WDFY3: variants seen among roughly 807,000 people sequenced by gnomAD.
WDFY3 encodes the protein WD repeat and FYVE domain containing 3.
Under a neutral mutation model 409.6 loss-of-function variants are expected in WDFY3, and 66 were observed. The ratio of observed to expected loss-of-function variants is 0.16; its 90% CI spans 0.13 to 0.20. The LOEUF (loss-of-function observed/expected upper bound fraction) is 0.20, where lower values mean the gene tolerates loss of function less well. Among genes scored for constraint, WDFY3 ranks in the 10% least tolerant of loss-of-function variants. The pLI is 1.00. For synonymous variants in WDFY3, 1,521 were observed against 1,537.1 expected (o/e 0.99, Z 0.25); for missense variants, 3,031 against 4,298.1 (o/e 0.71, Z 8.24).
intron 5 of WDFY3, among the ~76,000 whole-genome samples, chr4:84,845,190 G>C (rs1356702727): frequency 6.6e-6 from 1 of 152,126 alleles, no homozygotes; most frequent in Non-Finnish European, 1.5e-5. Context: ...ATTCAGAGGG[G>C]TACTGGAAGA....
At position 84,715,393 on chromosome 4, in the gene WDFY3, TC is replaced by T; in HGVS notation, c.7876-11del. On this transcript the variant is annotated splice_polypyrimidine_tract_variant and intron_variant, in intron 49 of 67. Coordinates refer to ENST00000295888, the MANE Select transcript of WDFY3 (RefSeq NM_014991.6). ...CTTCCACAGCAATAGGCTGAAATGATCAGAGAGAAAAACATTAAGAAAAAAC... is the reference window on the plus strand; with the variant it reads ...CTTCCACAGCAATAGGCTGAAATGATAGAGAGAAAAACATTAAGAAAAAAC... The T allele has an allele frequency of 1.4e-6, 2 of 1,477,720 alleles. No individual in the cohort carries two copies. The highest frequency in any genetic ancestry group is 1.9e-6 in the Non-Finnish European group (2 of 1,063,684). 91.5% of individuals were successfully genotyped at this position (1,477,720 alleles called of 1,614,324 possible). A position where few individuals can be genotyped will look rare whatever the true frequency, so the allele number is the denominator to read the frequency against.
At chr4:84,697,053 A>G (rs889812715) in intron 56 of WDFY3, among the ~76,000 whole-genome samples, 1 of 152,192 alleles carries the variant, frequency 6.6e-6, no homozygotes, top group African/African-American at 2.4e-5. Context: ...CTCACTGCCA[A>G]TGTCTTCAGG....
At chr4:84,801,071 A>C (rs1750460917) in intron 17 of WDFY3, among the ~76,000 whole-genome samples, 1 of 152,176 alleles carries the variant, frequency 6.6e-6, no homozygotes, top group South Asian at 2.1e-4. Context: ...AGTGGGTATG[A>C]CAATAAAGGT....
At chr4:84,775,351 TA>T (rs1055725250) in intron 27 of WDFY3, among the ~76,000 whole-genome samples, 4 of 152,068 alleles carry the variant, frequency 2.6e-5, no homozygotes, top group African/African-American at 9.7e-5. Context: ...TTTACAAAGC[TA>T]GTTCAAATAC....
chr4:84,884,233 G>C (rs1385405625), intron 3 of WDFY3, among the ~76,000 whole-genome samples: 1 of 151,942 alleles, frequency 6.6e-6, no homozygotes. Context: ...AGCTATACCA[G>C]TGTTGATTAC....
intron 1 of WDFY3, among the ~76,000 whole-genome samples, chr4:84,945,786 G>A (rs182595945): frequency 1.8e-4 from 27 of 152,190 alleles, no homozygotes; most frequent in African/African-American, 6.3e-4. Flanking sequence ...TCTGCTTCTT[G>A]TCTCAAGAAC....
chr4:84,733,539 C>T lies in WDFY3; in HGVS notation c.7064G>A (p.Arg2355Gln), dbSNP rs145107390. Residue 2355 changes from arginine to glutamine, a missense_variant, in exon 44 of 68, where the codon CGG becomes CAG. Coordinates refer to ENST00000295888, the MANE Select transcript of WDFY3 (RefSeq NM_014991.6). ...CQIECELLRE[R>Q]GLWGPPIGSH... The stretch of plus-strand genomic sequence containing the variant: ...GCCGATGGGAGGGCCCCACAGCCCC[C>T]GCTCCCTCAACAGCTCGCACTCGAT... 4.3e-6 allele frequency: 7 copies of T among 1,614,130 alleles called. No individual in the cohort carries two copies. Among genetic ancestry groups the T allele is most frequent in the Middle Eastern group, 1.7e-4 (1 of 6,060 alleles).
chr4:84,679,464 G>A (rs539705767), intron 64 of WDFY3, among the ~76,000 whole-genome samples: 1 of 152,236 alleles, frequency 6.6e-6, no homozygotes, highest in Non-Finnish European at 1.5e-5. Context: ...TAAAAACTTT[G>A]GCCAAAATCC....
chr4:84,852,189 A>C (rs536247962), intron 4 of WDFY3, among the ~76,000 whole-genome samples: 2 of 152,224 alleles, frequency 1.3e-5, no homozygotes, highest in Non-Finnish European at 2.9e-5. Flanking sequence ...TAGGTCTCAT[A>C]ACTGAGGCTG....
At chr4:84,716,867 G>A in intron 49 of WDFY3, 29 bp downstream of exon 49, 1 of 1,482,926 alleles carries the variant, frequency 6.7e-7, no homozygotes, top group East Asian at 2.5e-5. Flanking sequence ...AAAGAAACAT[G>A]ATAAAACAGT....
At chr4:84,748,222 A>T (rs1739848059) in intron 36 of WDFY3, among the ~76,000 whole-genome samples, 1 of 152,214 alleles carries the variant, frequency 6.6e-6, no homozygotes, top group South Asian at 2.1e-4. Context: ...AACACAGGCC[A>T]CGTAGTCAAT....
intron 3 of WDFY3, among the ~76,000 whole-genome samples, chr4:84,883,975 C>A (rs1007993218): frequency 2.6e-5 from 4 of 152,044 alleles, no homozygotes; most frequent in African/African-American, 9.7e-5. Context: ...TGTGGTGTCT[C>A]AAAATTACAT....
chr4:84,961,194 G>T (rs1774871657), intron 1 of WDFY3, among the ~76,000 whole-genome samples: 1 of 139,832 alleles, frequency 7.2e-6, no homozygotes, highest in Non-Finnish European at 1.5e-5. Flanking sequence ...CAGCCTGGGT[G>T]ACAAAAGCAA....
intron 16 of WDFY3, among the ~76,000 whole-genome samples, chr4:84,802,694 A>T (rs1750821006): frequency 6.6e-6 from 1 of 152,242 alleles, no homozygotes. Context: ...ATTTGCTAGA[A>T]GTACAGGCAG....
In WDFY3 at chr4:84,886,037, A is replaced by G. The variant is rs1027390190; in HGVS notation, c.-32+10874T>C. On this transcript the variant is annotated intron_variant, in intron 3 of 67. Transcript: ENST00000295888. The stretch of plus-strand genomic sequence containing the variant: ...TTTAAGTTGGACACGTCTTAGAAAC[A>G]TAGTGATGGGTAAAAAAAATTAAAA... Among the ~76,000 whole-genome samples, 18 of 152,200 alleles carry G rather than the reference A, an allele frequency of 1.2e-4. 1 individual carries two copies. Among genetic ancestry groups the G allele is most frequent in the African/African-American group, 4.3e-4 (18 of 41,456 alleles).
At chr4:84,714,866 C>T (rs779662960) in intron 50 of WDFY3, among the ~76,000 whole-genome samples, 54 of 150,416 alleles carry the variant, frequency 3.6e-4, no homozygotes, top group African/African-American at 1.3e-3. Context: ...AGGAGAATGG[C>T]GTGAACCCGG....
intron 36 of WDFY3, among the ~76,000 whole-genome samples, chr4:84,747,324 A>G (rs1002444963): frequency 1.3e-5 from 2 of 152,204 alleles, no homozygotes; most frequent in African/African-American, 4.8e-5. Flanking sequence ...ATGGGCTGGA[A>G]GCCTTTAAAG....
intron 2 of WDFY3, among the ~76,000 whole-genome samples, chr4:84,912,743 T>C (rs1392893035): frequency 1.3e-5 from 2 of 150,206 alleles, no homozygotes; most frequent in Admixed American, 1.3e-4. Context: ...TACCCTATTC[T>C]AAAAAAAAAG....
intron 3 of WDFY3, among the ~76,000 whole-genome samples, chr4:84,879,856 T>G (rs1763257763): frequency 6.6e-6 from 1 of 152,126 alleles, no homozygotes; most frequent in Admixed American, 6.5e-5. Context: ...GAAACATGAA[T>G]GGCCACAAAA....
Sources: gnomAD v4.1 joint callset for allele counts (sites outside exome capture counted in the v4.1 genomes callset) on GRCh38, gnomAD v4.1.1 for gene constraint, MANE v1.5 for transcripts, NCBI Gene and HGNC (gene_info 2026-07-23, HGNC 2026-07-21) for gene names.